Variants in SEPTIN9 observed in about 807,000 individuals in gnomAD.
SEPTIN9 encodes septin 9.
In SEPTIN9, 13 loss-of-function variants were observed where a neutral mutation model predicts 56.6. That is an observed-to-expected ratio of 0.23 (90% CI 0.15 to 0.37). The LOEUF (loss-of-function observed/expected upper bound fraction) is 0.37. Among genes scored for constraint, SEPTIN9 ranks in the 10% least tolerant of loss-of-function variants. SEPTIN9 has a pLI of 1.00. For synonymous variants in SEPTIN9, 332 were observed against 334.1 expected (o/e 0.99, Z 0.07); for missense variants, 650 against 823.1 (o/e 0.79, Z 2.57).
chr17:77,384,220 T>C (rs1404375423), intron 2 of SEPTIN9, among the ~76,000 whole-genome samples: 3 of 152,112 alleles, frequency 2.0e-5, no homozygotes, highest in Admixed American at 2.0e-4. Context: ...AACTGGCTTT[T>C]TTCATGGATT....
At chr17:77,376,406 G>A (rs1343273490) in intron 2 of SEPTIN9, 3 of 985,298 alleles carry the variant, frequency 3.0e-6, no homozygotes, top group East Asian at 1.1e-4. Flanking sequence ...AAGGTAGGCC[G>A]AAAGGGTGGG....
intron 3 of SEPTIN9, among the ~76,000 whole-genome samples, chr17:77,407,724 G>A (rs1233767870): frequency 6.6e-6 from 1 of 152,224 alleles, no homozygotes; most frequent in Non-Finnish European, 1.5e-5. Context: ...GTGGATTCTC[G>A]GTTTCCGAGG....
chr17:77,499,504 G>T lies in SEPTIN9; in HGVS notation c.*846G>T. On this transcript the variant is annotated 3_prime_UTR_variant, in exon 12 of 12. Coordinates refer to ENST00000427177, the MANE Select transcript of SEPTIN9 (RefSeq NM_001113491.2). ...CAGTTTTGAAAAGGTCTAAGCAAGT[G>T]AGTCTGGTGGAGGAGCTGAGGGAGG... 2.1e-6 allele frequency: 1 copy of T among 476,834 alleles called. No homozygotes were observed. The highest frequency in any genetic ancestry group is 1.8e-5 in the South Asian group (1 of 55,206). 29.5% of individuals were successfully genotyped at this position (476,834 alleles called of 1,614,324 possible).
At chr17:77,288,877 G>A (rs535983179) in intron 1 of SEPTIN9, among the ~76,000 whole-genome samples, 1 of 152,300 alleles carries the variant, frequency 6.6e-6, no homozygotes, top group Non-Finnish European at 1.5e-5. Context: ...AGCTGCAAGT[G>A]CACACAGAGG....
chr17:77,340,518 A>C (rs1013002316), intron 2 of SEPTIN9, among the ~76,000 whole-genome samples: 1 of 152,174 alleles, frequency 6.6e-6, no homozygotes, highest in Non-Finnish European at 1.5e-5. Flanking sequence ...TCCATTTCTG[A>C]AGCATAGACA....
rs376600320 is a variant in SEPTIN9, at chr17:77,404,708, G to A, written c.721+2005G>A. Among the ~76,000 whole-genome samples the A allele has an allele frequency of 2.0e-3, 307 of 152,268 alleles. 11 individuals are homozygous for A. In the South Asian group the frequency reaches 0.054, roughly 27 times the overall value. On this transcript the variant is annotated intron_variant, in intron 3 of 11. Coordinates refer to ENST00000427177, the MANE Select transcript of SEPTIN9 (RefSeq NM_001113491.2). ...ATTTGTCTTGGCGGGTCTGGGGCCTGGGACTCTGCATTTCCTACAGAGGGG... is the reference window on the plus strand; with the variant it reads ...ATTTGTCTTGGCGGGTCTGGGGCCTAGGACTCTGCATTTCCTACAGAGGGG...
At chr17:77,471,216 AG>A (rs2038981924) in intron 3 of SEPTIN9, among the ~76,000 whole-genome samples, 2 of 152,080 alleles carry the variant, frequency 1.3e-5, no homozygotes, top group South Asian at 4.2e-4. Flanking sequence ...TCCCTCCTGA[AG>A]GGGTCATTTA....
At chr17:77,464,958 C>T (rs150581072) in intron 3 of SEPTIN9, among the ~76,000 whole-genome samples, 211 of 152,274 alleles carry the variant, frequency 1.4e-3, no homozygotes, top group African/African-American at 4.9e-3. Flanking sequence ...TTTCATCATC[C>T]CCAAAAGAGA....
rs147483677 is a variant in SEPTIN9, at chr17:77,482,589, G to A, written c.913+254G>A. On this transcript the variant is annotated intron_variant, in intron 4 of 11. Transcript: ENST00000427177. ...GAGATGACTTTGGGGAGCCCAGGCC[G>A]GCCTGGAGCAGGTCCTGATGAGTGG... is the stretch of plus-strand genomic sequence containing the variant. 3.2e-4 allele frequency: 214 copies of A among 677,914 alleles called. 1 individual carries two copies. In the African/African-American group the frequency reaches 3.2e-3, roughly 10 times the overall value. 42.0% of individuals were successfully genotyped at this position (677,914 alleles called of 1,614,324 possible). A position where few individuals can be genotyped will look rare whatever the true frequency, so the allele number is the denominator to read the frequency against.
intron 2 of SEPTIN9, among the ~76,000 whole-genome samples, chr17:77,315,192 A>T (rs1287600914): frequency 6.6e-6 from 1 of 152,154 alleles, no homozygotes; most frequent in East Asian, 1.9e-4. Flanking sequence ...GGAGGGGGCA[A>T]CCAGGGAAGG....
In SEPTIN9 at chr17:77,389,133, G is replaced by T. The variant is rs1301874620; in HGVS notation, c.77-12926G>T. Among the ~76,000 whole-genome samples the T allele has an allele frequency of 6.6e-6, 1 of 152,198 alleles. No homozygotes were observed. The highest frequency in any genetic ancestry group is 1.5e-5 in the Non-Finnish European group (1 of 68,030). On this transcript the variant is annotated intron_variant, in intron 2 of 11. Transcript: ENST00000427177. The surrounding 1 kb of genome is among the most constrained non-coding windows in gnomAD (Gnocchi z 4.3). ...TCCCATCCATGGGAAGAAGCACCGA[G>T]CAGCCTTGCTGGCTCCTCGCAGGGA...
chr17:77,454,920 C>T (rs568434309), intron 3 of SEPTIN9, among the ~76,000 whole-genome samples: 5 of 152,022 alleles, frequency 3.3e-5, no homozygotes, highest in South Asian at 2.1e-4. Flanking sequence ...TCCGGGGCTG[C>T]GGGAAGGGGC....
At chr17:77,337,960 G>A (rs2033607595) in intron 2 of SEPTIN9, among the ~76,000 whole-genome samples, 1 of 152,194 alleles carries the variant, frequency 6.6e-6, no homozygotes, top group Non-Finnish European at 1.5e-5. Flanking sequence ...CCTTTGGGAG[G>A]CCAAGGTGGG....
At chr17:77,288,223 C>T in intron 1 of SEPTIN9, 1 of 1,044,948 alleles carries the variant, frequency 9.6e-7, no homozygotes, top group Non-Finnish European at 1.2e-6. Flanking sequence ...GGGTGCATTG[C>T]TCTCTTTCCG....
At chr17:77,465,521 C>T (rs768138105) in intron 3 of SEPTIN9, among the ~76,000 whole-genome samples, 1 of 151,584 alleles carries the variant, frequency 6.6e-6, no homozygotes, top group Non-Finnish European at 1.5e-5. Flanking sequence ...GCACCGGGCA[C>T]TGTGAGCCCC....
At chr17:77,358,846 C>T (rs2034333223) in intron 2 of SEPTIN9, among the ~76,000 whole-genome samples, 1 of 152,156 alleles carries the variant, frequency 6.6e-6, no homozygotes, top group Non-Finnish European at 1.5e-5. Flanking sequence ...TTAGTCAAGG[C>T]ACCATCTGGC....
chr17:77,373,751 T>A, intron 2 of SEPTIN9: 1 of 1,086,266 alleles, frequency 9.2e-7, no homozygotes, highest in Non-Finnish European at 1.2e-6. Context: ...GGGGACCCTG[T>A]TAGGGGCACC....
chr17:77,478,038 A>G (rs1037052501), intron 3 of SEPTIN9, among the ~76,000 whole-genome samples: 1 of 152,040 alleles, frequency 6.6e-6, no homozygotes, highest in Non-Finnish European at 1.5e-5. Context: ...TGTTAACCGC[A>G]TATCATACAA....
At chr17:77,377,578 C>A (rs922047116) in intron 2 of SEPTIN9, among the ~76,000 whole-genome samples, 1 of 152,086 alleles carries the variant, frequency 6.6e-6, no homozygotes, top group African/African-American at 2.4e-5. Flanking sequence ...CCCGAGCCCC[C>A]ACTGTCGCCC....
Sources: allele counts gnomAD v4.1 joint callset (sites outside exome capture counted in the v4.1 genomes callset), GRCh38; gene constraint gnomAD v4.1.1; non-coding constraint Gnocchi (gnomAD v3.1); transcripts MANE v1.5; gene names NCBI Gene and HGNC (gene_info 2026-07-23, HGNC 2026-07-21).